XCR1: variants seen among roughly 807,000 people sequenced by gnomAD.
The protein encoded by XCR1 is chemokine XC receptor 1.
For synonymous variants in XCR1, 187 were observed against 188.5 expected, an observed-to-expected ratio of 0.99 and a Z score of 0.06; for missense variants, 356 against 424.2, an observed-to-expected ratio of 0.84 and a Z score of 1.41.
chr3:46,048,525 C>T (rs953771752), intron 5 of XCR1, among the ~76,000 whole-genome samples: 4 of 152,086 alleles, frequency 2.6e-5, no homozygotes, highest in East Asian at 1.9e-4. Context: ...TGGCTCGTAC[C>T]GGAGGGACTG....
Position 46,051,048 on chromosome 3 carries a change from C to A in XCR1, c.-32+2872G>T, listed in dbSNP as rs1195357841. 2.0e-5 allele frequency among the ~76,000 whole-genome samples: 3 copies of A among 152,138 alleles called. No individual in the cohort carries two copies. In the South Asian group the frequency reaches 6.2e-4, roughly 32 times the overall value. The stretch of plus-strand genomic sequence containing the variant: ...CCTGTGTTAGGGGTCATTGATCCAC[C>A]CACACAGGTTTGTCACTAAGCCATT... On this transcript the variant is annotated intron_variant, in intron 5 of 5. Coordinates refer to the XCR1 transcript ENST00000683768.
At position 46,021,163 on chromosome 3, in the gene XCR1, T is replaced by C. The variant is rs1346656983; in HGVS notation, c.785A>G (p.Lys262Arg). 6.2e-7 allele frequency: 1 copy of C among 1,614,110 alleles called. No homozygotes were observed. The highest frequency in any genetic ancestry group is 8.5e-7 in the Non-Finnish European group (1 of 1,180,048). Residue 262 changes from lysine to arginine, a missense_variant, in exon 2 of 2, where the codon AAA becomes AGA. Transcript: ENST00000309285. The surrounding 1 kb of genome is among the most constrained non-coding windows in gnomAD (Gnocchi z 4.7). ...RTQIIRSCEA[K>R]QQLEYALLIC... The stretch of plus-strand genomic sequence containing the variant: ...GAGCAGGGCGTATTCTAGCTGCTGT[T>C]TGGCCTCGCAGCTCCGGATGATCTG...
upstream of XCR1, among the ~76,000 whole-genome samples, chr3:46,030,115 A>T (rs1708370276): frequency 6.6e-6 from 1 of 151,480 alleles, no homozygotes; most frequent in Non-Finnish European, 1.5e-5. Flanking sequence ...ACATCTGCAT[A>T]TAGAAATAGT....
At chr3:46,042,208 T>C (rs1203273744) in intron 5 of XCR1, among the ~76,000 whole-genome samples, 3 of 152,226 alleles carry the variant, frequency 2.0e-5, no homozygotes, top group Non-Finnish European at 4.4e-5. Context: ...TAAATGCCTA[T>C]ACTTTATAAA....
intron 2 of XCR1, among the ~76,000 whole-genome samples, chr3:46,076,281 C>G (rs755237397): frequency 4.9e-4 from 75 of 152,344 alleles, no homozygotes; most frequent in Middle Eastern, 3.4e-3. Flanking sequence ...ACACTCAGCA[C>G]TTGGCCAGCT....
intron 1 of XCR1, chr3:46,023,999 C>G (rs1278379067): frequency 7.2e-7 from 1 of 1,396,530 alleles, no homozygotes; most frequent in Non-Finnish European, 1.0e-6. Context: ...CATTCAGAAA[C>G]TGCTACAGCC....
chr3:46,034,764 T>C (rs1263926546), intron 5 of XCR1, among the ~76,000 whole-genome samples: 1 of 152,180 alleles, frequency 6.6e-6, no homozygotes. Flanking sequence ...GAGAGCTTTT[T>C]TGATGAAAAA....
intron 1 of XCR1, among the ~76,000 whole-genome samples, chr3:46,026,927 T>TA (rs1465101751): frequency 6.7e-6 from 1 of 149,582 alleles, no homozygotes; most frequent in Non-Finnish European, 1.5e-5. Context: ...GGTCTCGCCC[T>TA]ATCACCCATG....
chr3:46,027,185 A>G (rs768790303), intron 1 of XCR1, among the ~76,000 whole-genome samples: 4 of 152,188 alleles, frequency 2.6e-5, no homozygotes, highest in Admixed American at 6.5e-5. Flanking sequence ...AAGTGCTGGA[A>G]TTACAGGCAT....
chr3:46,081,642 C>T (rs1331079197), intron 1 of XCR1, among the ~76,000 whole-genome samples: 5 of 151,752 alleles, frequency 3.3e-5, no homozygotes, highest in Non-Finnish European at 7.4e-5. Context: ...GCATTTTTGC[C>T]CTTTGTGAAT....
In XCR1 at chr3:46,020,692, GC is replaced by G; in HGVS notation, c.*253del. 1.8e-6 allele frequency: 1 copy of G among 551,918 alleles called. No individual in the cohort carries two copies. Among genetic ancestry groups the G allele is most frequent in the Non-Finnish European group, 3.2e-6 (1 of 311,298 alleles). The allele number at this position is 551,918 out of a possible 1,614,324, so 34.2% of individuals were successfully genotyped here. A position where few individuals can be genotyped will look rare whatever the true frequency, so the allele number is the denominator to read the frequency against. ...AACACATGTCTAAATGAAGGAGCGT[GC>G]AAGATGAACTCAGAGTTCAAGAAAT... On this transcript the variant is annotated 3_prime_UTR_variant, in exon 2 of 2. Coordinates refer to ENST00000309285, the MANE Select transcript of XCR1 (RefSeq NM_001024644.2).
intron 4 of XCR1, among the ~76,000 whole-genome samples, chr3:46,055,967 G>A (rs531803656): frequency 6.6e-6 from 1 of 152,334 alleles, no homozygotes; most frequent in Admixed American, 6.5e-5. Flanking sequence ...GGTTGAGTGG[G>A]ATTCAGTCCA....
chr3:46,044,534 C>T (rs188981865), intron 5 of XCR1, among the ~76,000 whole-genome samples: 268 of 151,742 alleles, frequency 1.8e-3, no homozygotes, highest in Non-Finnish European at 2.9e-3. Context: ...AAATTGAAAA[C>T]AAGAAATCAA....
At chr3:46,075,329 A>AAC (rs1559495969) in intron 2 of XCR1, among the ~76,000 whole-genome samples, 4 of 150,108 alleles carry the variant, frequency 2.7e-5, no homozygotes, top group African/African-American at 7.3e-5. Flanking sequence ...AAAAAAAAAA[A>AAC]ACAACAAAAA....
At chr3:46,023,886 C>A in intron 1 of XCR1, 1 of 1,512,696 alleles carries the variant, frequency 6.6e-7, no homozygotes, top group Non-Finnish European at 9.2e-7. Flanking sequence ...AAGAAAATAA[C>A]TAAAGGCTGA....
Position 46,020,908 on chromosome 3 carries a change from T to G in XCR1, c.*38A>C. 5 of 1,589,248 alleles carry G rather than the reference T, an allele frequency of 3.1e-6. No individual in the cohort carries two copies. Among genetic ancestry groups the G allele is most frequent in the Non-Finnish European group, 4.3e-6 (5 of 1,167,922 alleles). On this transcript the variant is annotated 3_prime_UTR_variant, in exon 2 of 2. Coordinates refer to ENST00000309285, the MANE Select transcript of XCR1 (RefSeq NM_001024644.2). ...TCTCCATGACCCCCATTCCAGTCCC[T>G]GTCCACCTGCACCTGCGCCTGCACC...
intron 1 of XCR1, among the ~76,000 whole-genome samples, chr3:46,077,914 T>C (rs1218183580): frequency 6.6e-6 from 1 of 151,834 alleles, no homozygotes; most frequent in Non-Finnish European, 1.5e-5. Context: ...ACAACACACA[T>C]TGGGGACTAT....
At chr3:46,043,825 G>T (rs115801347) in intron 5 of XCR1, among the ~76,000 whole-genome samples, 3,453 of 152,030 alleles carry the variant, frequency 0.023, 59 homozygotes, top group Middle Eastern at 0.082. Flanking sequence ...AGAAAAATTA[G>T]AGAATGTTTT....
chr3:46,032,170 C>T (rs1236183427), upstream of XCR1, among the ~76,000 whole-genome samples: 5 of 152,212 alleles, frequency 3.3e-5, no homozygotes, highest in Non-Finnish European at 1.5e-5. Flanking sequence ...GAAACATGCC[C>T]CCTGCTTGCC....
Sources: gnomAD v4.1 joint callset for allele counts (sites outside exome capture counted in the v4.1 genomes callset) on GRCh38, gnomAD v4.1.1 for gene constraint, Gnocchi (gnomAD v3.1) non-coding constraint, MANE v1.5 for transcripts, NCBI Gene and HGNC (gene_info 2026-07-23, HGNC 2026-07-21) for gene names.